SPON1: variants seen among roughly 807,000 people sequenced by gnomAD.
The protein encoded by SPON1 is spondin 1.
In SPON1, 52 loss-of-function variants were observed where a neutral mutation model predicts 111.7. That is an observed-to-expected ratio of 0.47 (90% CI 0.37 to 0.59). The LOEUF (loss-of-function observed/expected upper bound fraction) is 0.59, where lower values mean the gene tolerates loss of function less well. Ranked by LOEUF, SPON1 falls within the 20% of genes least tolerant of loss-of-function variation. The pLI is 0.00. For missense variants in SPON1, 957 were observed against 1,068.5 expected (o/e 0.90, Z 1.46); for synonymous variants, 410 against 395.8 (o/e 1.04, Z -0.43).
At chr11:13,996,711 G>GTGTATATATATATA (rs535844829) in intron 2 of SPON1, among the ~76,000 whole-genome samples, 11 of 145,142 alleles carry the variant, frequency 7.6e-5, no homozygotes, top group African/African-American at 3.1e-4. Flanking sequence ...ACCTATGTGT[G>GTGTATATATATATA]TATATATATA....
At chr11:13,965,469 G>T (rs144878561) in intron 1 of SPON1, among the ~76,000 whole-genome samples, 1 of 152,150 alleles carries the variant, frequency 6.6e-6, no homozygotes, top group Non-Finnish European at 1.5e-5. Context: ...GGCCAAAGAG[G>T]TTTCAGAACT....
In SPON1 at chr11:14,254,584, T is replaced by C; in HGVS notation, c.947T>C (p.Phe316Ser). 6.2e-7 allele frequency: 1 copy of C among 1,613,750 alleles called. No homozygotes were observed. The highest frequency in any genetic ancestry group is 2.2e-5 in the East Asian group (1 of 44,888). The change falls in exon 8 of 16, where the codon TTC becomes TCC. Residue 316 changes from phenylalanine to serine, a missense_variant. Phe to Ser is a radical substitution (Grantham distance 155). Around this residue, in one of 5 missense-constraint regions of SPON1, gnomAD observed 122 missense variants for 143.2 expected, o/e 0.85. Coordinates refer to ENST00000576479, the MANE Select transcript of SPON1 (RefSeq NM_006108.4). Reference sequence around the variant, plus strand: ...GACAGAACGCGCCATTTAATGTCCTTCCTGACCATGATGGGCCCTAGTCCC... The same window carrying C: ...GACAGAACGCGCCATTTAATGTCCTCCCTGACCATGATGGGCCCTAGTCCC... ...SVDRTRHLMS[F>S]LTMMGPSPDW...
intron 2 of SPON1, among the ~76,000 whole-genome samples, chr11:13,995,974 C>G (rs1464237283): frequency 6.6e-6 from 1 of 152,172 alleles, no homozygotes; most frequent in African/African-American, 2.4e-5. Context: ...ACAGAAAGGA[C>G]ATTTACAGAG....
intron 5 of SPON1, among the ~76,000 whole-genome samples, chr11:14,095,034 G>T (rs562323422): frequency 2.0e-5 from 3 of 152,342 alleles, no homozygotes; most frequent in Admixed American, 6.5e-5. Flanking sequence ...TAGGTTTCTG[G>T]CTTGGAAATG....
intron 6 of SPON1, among the ~76,000 whole-genome samples, chr11:14,182,421 A>C (rs1848243989): frequency 6.6e-6 from 1 of 152,160 alleles, no homozygotes; most frequent in Non-Finnish European, 1.5e-5. Context: ...AGCAGCGCTT[A>C]TGTCTGTGGG....
At chr11:14,154,325 A>G (rs1478006310) in intron 6 of SPON1, among the ~76,000 whole-genome samples, 1 of 152,212 alleles carries the variant, frequency 6.6e-6, no homozygotes, top group East Asian at 1.9e-4. Context: ...GTTTCCATAC[A>G]TCCTCTGGAA....
At chr11:14,068,187 T>C (rs920746294) in intron 3 of SPON1, among the ~76,000 whole-genome samples, 17 of 152,310 alleles carry the variant, frequency 1.1e-4, no homozygotes, top group Admixed American at 9.2e-4. Context: ...GTAATGGTAT[T>C]GACAAGTTAT....
At chr11:14,065,280 G>T (rs1338852370) in intron 3 of SPON1, among the ~76,000 whole-genome samples, 1 of 152,202 alleles carries the variant, frequency 6.6e-6, no homozygotes, top group Non-Finnish European at 1.5e-5. Flanking sequence ...GCCCTAGTTT[G>T]CAGGAACCCA....
chr11:14,133,833 T>C (rs1236609710), intron 5 of SPON1, among the ~76,000 whole-genome samples: 1 of 152,158 alleles, frequency 6.6e-6, no homozygotes, highest in East Asian at 1.9e-4. Flanking sequence ...ATTTTCCCGA[T>C]GTGTAGGAAA....
chr11:14,004,551 T>C (rs941156906), intron 2 of SPON1, among the ~76,000 whole-genome samples: 1 of 152,182 alleles, frequency 6.6e-6, no homozygotes, highest in South Asian at 2.1e-4. Flanking sequence ...TAATATCTTA[T>C]AGTGGTTTTA....
At chr11:14,061,887 G>A (rs2133823442) in intron 3 of SPON1, among the ~76,000 whole-genome samples, 1 of 152,326 alleles carries the variant, frequency 6.6e-6, no homozygotes, top group East Asian at 1.9e-4. Context: ...ACTGCAACAA[G>A]AGCCCAACAG....
At chr11:14,125,168 GA>G (rs1847440784) in intron 5 of SPON1, among the ~76,000 whole-genome samples, 1 of 152,260 alleles carries the variant, frequency 6.6e-6, no homozygotes, top group Admixed American at 6.5e-5. Flanking sequence ...CAAACCCGCA[GA>G]AGGCATGTTT....
chr11:14,012,248 T>C (rs145106033), intron 2 of SPON1, among the ~76,000 whole-genome samples: 1,655 of 152,212 alleles, frequency 0.011, 14 homozygotes, highest in Non-Finnish European at 0.017. Context: ...TCAAAAGTGA[T>C]TGCAGCTCCA....
chr11:14,030,009 A>G (rs1343354787), intron 2 of SPON1, among the ~76,000 whole-genome samples: 8 of 152,188 alleles, frequency 5.3e-5, no homozygotes, highest in Non-Finnish European at 7.3e-5. Flanking sequence ...GTCTCCTGGT[A>G]GGGGGAAAAC....
At position 14,039,400 on chromosome 11, in the gene SPON1, TG is replaced by T. The variant is rs1224029287; in HGVS notation, c.346-2120del. Among the ~76,000 whole-genome samples the T allele has an allele frequency of 1.2e-3, 182 of 152,222 alleles. 1 individual carries two copies. The highest frequency in any genetic ancestry group is 4.2e-3 in the African/African-American group (175 of 41,562). ...ACAAATGTATCATTCTGATATAGGA[TG>T]TTGATAGTGAGGGAGACTGTGTGTG... On this transcript the variant is annotated intron_variant, in intron 2 of 15. Transcript: ENST00000576479.
intron 5 of SPON1, among the ~76,000 whole-genome samples, chr11:14,085,522 C>T (rs782604336): frequency 2.0e-5 from 3 of 152,060 alleles, no homozygotes; most frequent in Non-Finnish European, 4.4e-5. Flanking sequence ...TGTTTTGGTA[C>T]CAGTACCATG....
At chr11:14,249,711 CTT>C (rs1282902926) in intron 7 of SPON1, among the ~76,000 whole-genome samples, 2 of 152,194 alleles carry the variant, frequency 1.3e-5, no homozygotes, top group Non-Finnish European at 2.9e-5. Context: ...TTTCTTACCT[CTT>C]TTCTTTTATG....
chr11:14,018,678 GA>G (rs1848460082), intron 2 of SPON1, among the ~76,000 whole-genome samples: 1 of 152,144 alleles, frequency 6.6e-6, no homozygotes. Flanking sequence ...TGAGAAGTCA[GA>G]AAAAGCCTCC....
chr11:14,190,611 C>T (rs1848335010), intron 6 of SPON1, among the ~76,000 whole-genome samples: 1 of 150,154 alleles, frequency 6.7e-6, no homozygotes, highest in Admixed American at 6.7e-5. Flanking sequence ...TTCCTCCTTC[C>T]TCCCTTGCTT....
Sources: gnomAD v4.1 joint callset for allele counts (sites outside exome capture counted in the v4.1 genomes callset) on GRCh38, gnomAD v4.1.1 for gene constraint, gnomAD v4.1.1 regional missense constraint, MANE v1.5 for transcripts, NCBI Gene and HGNC (gene_info 2026-07-23, HGNC 2026-07-21) for gene names.